Variants in ADCY9 observed in about 807,000 individuals in gnomAD.
ADCY9 encodes adenylate cyclase 9.
A neutral mutation model predicts 101.5 loss-of-function variants in ADCY9; 50 were observed. The ratio of observed to expected loss-of-function variants is 0.49; its 90% CI spans 0.39 to 0.62. The LOEUF (loss-of-function observed/expected upper bound fraction) is 0.62, where lower values mean the gene tolerates loss of function less well. Ranked by LOEUF, ADCY9 falls within the 20% of genes least tolerant of loss-of-function variation. The pLI is 0.00. For synonymous variants in ADCY9, 905 were observed against 769.3 expected, an observed-to-expected ratio of 1.18 and a Z score of -2.92; for missense variants, 1,662 against 1,800.4, an observed-to-expected ratio of 0.92 and a Z score of 1.39.
intron 2 of ADCY9, among the ~76,000 whole-genome samples, chr16:4,105,125 G>T (rs1397252323): frequency 6.6e-6 from 1 of 151,484 alleles, no homozygotes; most frequent in African/African-American, 2.4e-5. Flanking sequence ...AAAGAGATTT[G>T]CAAAAATGTA....
At position 3,966,226 on chromosome 16, in the gene ADCY9, C is replaced by T. The variant is rs770998158; in HGVS notation, c.3611G>A (p.Cys1204Tyr). 1 of 1,614,246 alleles carries T rather than the reference C, an allele frequency of 6.2e-7. No homozygotes were observed. Among genetic ancestry groups the T allele is most frequent in the South Asian group, 1.1e-5 (1 of 91,088 alleles). ...GCTCTCTTCGCTCACCTGGATGCGG[C>T]ACTCCACGCCGGTGGTGTCCATCCT... ...ASRMDTTGVE[C>Y]RIQVSEESYR... Residue 1204 changes from cysteine to tyrosine, a missense_variant, in exon 11 of 11, where the codon TGC (cysteine) becomes TAC (tyrosine). Coordinates refer to ENST00000294016, the MANE Select transcript of ADCY9 (RefSeq NM_001116.4).
chr16:4,087,052 G>T (rs78213617), intron 2 of ADCY9, among the ~76,000 whole-genome samples: 1 of 151,950 alleles, frequency 6.6e-6, no homozygotes, highest in Non-Finnish European at 1.5e-5. Context: ...ATTCCATTCT[G>T]ATACTGCGCC....
intron 4 of ADCY9, 68 bp downstream of exon 4, chr16:3,993,338 A>G (rs761621391): frequency 1.9e-6 from 3 of 1,593,950 alleles, no homozygotes; most frequent in Non-Finnish European, 2.6e-6. Flanking sequence ...TCGACAAGAC[A>G]GGAATGTCAC....
chr16:4,035,720 C>A (rs572446401), intron 2 of ADCY9, among the ~76,000 whole-genome samples: 1 of 152,026 alleles, frequency 6.6e-6, no homozygotes, highest in Non-Finnish European at 1.5e-5. Context: ...CCAAGGGGGC[C>A]GGGCACGGTG....
chr16:3,961,339 C>T (rs534844051), downstream of ADCY9, among the ~76,000 whole-genome samples: 293 of 152,054 alleles, frequency 1.9e-3, 1 homozygote, highest in African/African-American at 6.8e-3. Flanking sequence ...GTCCCAGCTA[C>T]TCAGGAGGCT....
chr16:4,093,888 C>A (rs2056987693), intron 2 of ADCY9, among the ~76,000 whole-genome samples: 1 of 152,222 alleles, frequency 6.6e-6, no homozygotes, highest in South Asian at 2.1e-4. Flanking sequence ...CTAAATGCAA[C>A]AGAAGCCTTA....
At chr16:4,016,342 A>G (rs1388718670) in intron 2 of ADCY9, among the ~76,000 whole-genome samples, 4 of 152,236 alleles carry the variant, frequency 2.6e-5, no homozygotes, top group African/African-American at 7.2e-5. Context: ...CTGGGGAAAG[A>G]TACCAGAACT....
chr16:4,071,846 T>C lies in ADCY9; in HGVS notation c.1693+41904A>G, dbSNP rs552856487. Among the ~76,000 whole-genome samples, 226 of 152,266 alleles carry C rather than the reference T, an allele frequency of 1.5e-3. 1 individual carries two copies. Among genetic ancestry groups the C allele is most frequent in the African/African-American group, 5.2e-3 (215 of 41,556 alleles). ...TTTGGTTTTTGAGACAGAGTCTCAC[T>C]GTCATCCAGGCGGGAGTGCGGTGGT... On this transcript the variant is annotated intron_variant, in intron 2 of 10. Coordinates refer to ENST00000294016, the MANE Select transcript of ADCY9 (RefSeq NM_001116.4).
At chr16:4,075,709 T>TA (rs936402049) in intron 2 of ADCY9, among the ~76,000 whole-genome samples, 1 of 150,926 alleles carries the variant, frequency 6.6e-6, no homozygotes, top group African/African-American at 2.4e-5. Context: ...CAAAAGGAGG[T>TA]AAAAAGAGAC....
chr16:3,983,200 A>G, intron 7 of ADCY9, 32 bp downstream of exon 7: 1 of 1,533,122 alleles, frequency 6.5e-7, no homozygotes, highest in Non-Finnish European at 8.8e-7. Context: ...CTAACGGCTC[A>G]GAGCTGGAGA....
chr16:3,959,241 G>T (rs2055924992), downstream of ADCY9, among the ~76,000 whole-genome samples: 1 of 151,932 alleles, frequency 6.6e-6, no homozygotes, highest in Non-Finnish European at 1.5e-5. Context: ...CGCACTTGTA[G>T]TCCTTGCTAC....
At chr16:3,987,631 C>T (rs1482160707) in intron 6 of ADCY9, among the ~76,000 whole-genome samples, 2 of 152,242 alleles carry the variant, frequency 1.3e-5, no homozygotes, top group Non-Finnish European at 2.9e-5. Context: ...GGGACATTAA[C>T]GGATATTCAC....
chr16:4,107,585 A>C, intron 2 of ADCY9, among the ~76,000 whole-genome samples: 1 of 142,988 alleles, frequency 7.0e-6, no homozygotes. Flanking sequence ...AAAAGAATGC[A>C]GTGCAGGTCA....
At chr16:4,009,258 GTTTTGT>G (rs2056387508) in intron 2 of ADCY9, among the ~76,000 whole-genome samples, 1 of 151,700 alleles carries the variant, frequency 6.6e-6, no homozygotes, top group Non-Finnish European at 1.5e-5. Context: ...TTCATGTTTT[GTTTTGT>G]TTTGTTTTGT....
At chr16:4,031,296 C>A (rs2056553557) in intron 2 of ADCY9, among the ~76,000 whole-genome samples, 1 of 151,772 alleles carries the variant, frequency 6.6e-6, no homozygotes, top group Admixed American at 6.5e-5. Flanking sequence ...ACAATGTCTG[C>A]AATTTAGTCA....
At chr16:4,097,096 T>C (rs932330263) in intron 2 of ADCY9, among the ~76,000 whole-genome samples, 1 of 152,054 alleles carries the variant, frequency 6.6e-6, no homozygotes, top group Non-Finnish European at 1.5e-5. Flanking sequence ...TTAAAAACAA[T>C]TGCCAGAACT....
chr16:3,983,180 G>A (rs1399278221), intron 7 of ADCY9, 52 bp downstream of exon 7: 2 of 1,485,176 alleles, frequency 1.3e-6, no homozygotes, highest in African/African-American at 1.4e-5. Flanking sequence ...CATGGAGCCA[G>A]AAGAGGGAGC....
In ADCY9 at chr16:4,113,170, T is replaced by A. The variant is rs571879368; in HGVS notation, c.1693+580A>T. 7.1e-4 allele frequency among the ~76,000 whole-genome samples: 102 copies of A among 144,150 alleles called. 2 individuals are homozygous for A. Among genetic ancestry groups the A allele is most frequent in the African/African-American group, 2.8e-3 (101 of 36,602 alleles). The allele number at this position is 144,150 out of a possible 152,430, so 94.6% of individuals were successfully genotyped here. A position where few individuals can be genotyped will look rare whatever the true frequency, so the allele number is the denominator to read the frequency against. ...CTGAAAGCTGAAAATGCAAACTTTT[T>A]TTAAAAAAAAAAAAAGACCTAGATA... On this transcript the variant is annotated intron_variant, in intron 2 of 10. Coordinates refer to ENST00000294016, the MANE Select transcript of ADCY9 (RefSeq NM_001116.4).
intron 2 of ADCY9, 112 bp downstream of exon 2, chr16:4,113,638 C>T: frequency 7.3e-7 from 1 of 1,371,486 alleles, no homozygotes; most frequent in East Asian, 2.3e-5. Context: ...CATGGTAAGG[C>T]ATTCTGAGAT....
Sources: allele counts gnomAD v4.1 joint callset (sites outside exome capture counted in the v4.1 genomes callset), GRCh38; gene constraint gnomAD v4.1.1; transcripts MANE v1.5; gene names NCBI Gene and HGNC (gene_info 2026-07-23, HGNC 2026-07-21).